Variants in CARMIL1 observed in about 807,000 individuals in gnomAD.
CARMIL1 encodes capping protein regulator and myosin 1 linker 1, also known as F-actin-uncapping protein LRRC16A.
In CARMIL1, 90 loss-of-function variants were observed where a neutral mutation model predicts 177.1. The ratio of observed to expected loss-of-function variants is 0.51; its 90% CI spans 0.43 to 0.61. The LOEUF is 0.61. Among genes scored for constraint, CARMIL1 ranks in the 20% least tolerant of loss-of-function variants. The pLI, the probability that CARMIL1 is intolerant of heterozygous loss-of-function variation, is 0.00. For missense variants in CARMIL1, 1,380 were observed against 1,667.0 expected (o/e 0.83, Z 3.00); for synonymous variants, 577 against 606.2 (o/e 0.95, Z 0.71).
In CARMIL1 at chr6:25,619,555, A is replaced by G; in HGVS notation, c.4088A>G (p.Glu1363Gly). 1 of 1,613,796 alleles carries G rather than the reference A, an allele frequency of 6.2e-7. No individual in the cohort carries two copies. The highest frequency in any genetic ancestry group is 8.5e-7 in the Non-Finnish European group (1 of 1,179,826). ...QGSKSNDSGE[E>G]AEKEFIFV ...AGCAAATCTAATGACTCCGGGGAAG[A>G]AGCAGAAAAAGAGTTTATTTTTGTG... The change falls in exon 37 of 37, where the codon GAA becomes GGA. Residue 1363 changes from glutamate (E) to glycine (G), a missense_variant. Physicochemically the swap from Glu to Gly is moderately conservative, Grantham distance 98. Coordinates refer to ENST00000329474, the MANE Select transcript of CARMIL1 (RefSeq NM_017640.6).
chr6:25,411,379 C>G (rs956239146), intron 2 of CARMIL1, among the ~76,000 whole-genome samples: 6 of 152,182 alleles, frequency 3.9e-5, no homozygotes, highest in South Asian at 4.1e-4. Context: ...TAAAGATGCC[C>G]ATTCATGTTA....
At position 25,528,868 on chromosome 6, in the gene CARMIL1, G is replaced by T; in HGVS notation, c.2042G>T (p.Gly681Val). The change falls in exon 24 of 37, where the codon GGT (glycine) becomes GTT (valine). Residue 681 changes from glycine (G) to valine (V), a missense_variant. Gly to Val is a moderately radical substitution (Grantham distance 109). Transcript: ENST00000329474. ...GAGCAGGCCTACCGCCTGCAGCAGGGTATTGTCACCAGCACCACCCAGCAG... is the reference window on the plus strand; with the variant it reads ...GAGCAGGCCTACCGCCTGCAGCAGGTTATTGTCACCAGCACCACCCAGCAG... ...LQEQAYRLQQGIVTSTTQQMI... is the reference protein window; with the variant it reads ...LQEQAYRLQQVIVTSTTQQMI... 5 of 1,609,520 alleles carry T rather than the reference G, an allele frequency of 3.1e-6. No individual in the cohort carries two copies. Among genetic ancestry groups the T allele is most frequent in the South Asian group, 2.2e-5 (2 of 89,972 alleles).
At chr6:25,592,328 A>G (rs3804119) in intron 31 of CARMIL1, among the ~76,000 whole-genome samples, 1 of 152,384 alleles carries the variant, frequency 6.6e-6, no homozygotes, top group East Asian at 1.9e-4. Flanking sequence ...TTAAGGGGCT[A>G]TTACTGCTAT....
chr6:25,529,755 CAAAAAAAAAAAAAAAAA>C (rs70977217), intron 24 of CARMIL1, among the ~76,000 whole-genome samples: 17 of 33,584 alleles, frequency 5.1e-4, no homozygotes, highest in Admixed American at 1.9e-3. Flanking sequence ...ACTCCGTCTC[CAAAAAAAAAAAAAAAAA>C]AAAAAAAAAA....
At chr6:25,350,032 C>T (rs577372664) in intron 2 of CARMIL1, among the ~76,000 whole-genome samples, 1 of 152,220 alleles carries the variant, frequency 6.6e-6, no homozygotes, top group East Asian at 1.9e-4. Flanking sequence ...CAGCCTCCAC[C>T]AGCCCCCTCA....
intron 2 of CARMIL1, among the ~76,000 whole-genome samples, chr6:25,348,149 T>C (rs9986608): frequency 0.12 from 17,484 of 151,658 alleles, 1,142 homozygotes; most frequent in African/African-American, 0.18. Context: ...ACTTCTTTTC[T>C]TTTTTTTTGA....
intron 31 of CARMIL1, among the ~76,000 whole-genome samples, chr6:25,582,010 T>C (rs911648921): frequency 1.1e-4 from 16 of 152,200 alleles, no homozygotes; most frequent in African/African-American, 3.9e-4. Context: ...AGTTTACCCA[T>C]GTGTCTCTCT....
intron 11 of CARMIL1, among the ~76,000 whole-genome samples, chr6:25,477,926 G>T (rs1315574056): frequency 1.4e-5 from 2 of 145,204 alleles, no homozygotes; most frequent in Middle Eastern, 3.8e-3. Flanking sequence ...TGTAATAATG[G>T]CTCACTGCAA....
At chr6:25,446,468 A>G (rs900156601) in intron 5 of CARMIL1, among the ~76,000 whole-genome samples, 1 of 152,188 alleles carries the variant, frequency 6.6e-6, no homozygotes, top group African/African-American at 2.4e-5. Flanking sequence ...GTAGCTTCCA[A>G]CTTCAGCTTC....
At chr6:25,590,339 A>G (rs1392898447) in intron 31 of CARMIL1, among the ~76,000 whole-genome samples, 1 of 152,102 alleles carries the variant, frequency 6.6e-6, no homozygotes, top group Non-Finnish European at 1.5e-5. Flanking sequence ...ATTTTTAGTC[A>G]TGAGTTTTTG....
At position 25,567,131 on chromosome 6, in the gene CARMIL1, A is replaced by G. The variant is rs532837358; in HGVS notation, c.2742+10281A>G. ...AGGAGTAGCTGCAGCTGAAAGCCCA[A>G]CTCCACATGATCTGACTCTCAAACA... On this transcript the variant is annotated intron_variant, in intron 29 of 36. Transcript: ENST00000329474. Among the ~76,000 whole-genome samples the G allele has an allele frequency of 1.1e-4, 16 of 152,158 alleles. No individual in the cohort carries two copies. The East Asian group carries it at 3.1e-3, about 29-fold the overall frequency.
intron 2 of CARMIL1, among the ~76,000 whole-genome samples, chr6:25,336,998 G>A (rs966764206): frequency 6.6e-6 from 1 of 152,054 alleles, no homozygotes; most frequent in Non-Finnish European, 1.5e-5. Context: ...AAAAGACAGC[G>A]TATCAATTGA....
At chr6:25,485,869 A>G (rs1802598712) in intron 12 of CARMIL1, among the ~76,000 whole-genome samples, 1 of 151,872 alleles carries the variant, frequency 6.6e-6, no homozygotes, top group Non-Finnish European at 1.5e-5. Flanking sequence ...CTGGAGTTAC[A>G]TTGCAGTGTT....
At chr6:25,615,993 A>G (rs1422552123) in intron 36 of CARMIL1, among the ~76,000 whole-genome samples, 1 of 152,222 alleles carries the variant, frequency 6.6e-6, no homozygotes, top group Non-Finnish European at 1.5e-5. Context: ...TATTGCCACT[A>G]TAGACAGGGT....
At chr6:25,537,442 TTC>T (rs1231001440) in intron 24 of CARMIL1, among the ~76,000 whole-genome samples, 5 of 152,328 alleles carry the variant, frequency 3.3e-5, no homozygotes, top group Admixed American at 1.3e-4. Flanking sequence ...CACATTTTAT[TTC>T]TCTGTTTCCT....
At chr6:25,465,835 A>G (rs996713808) in intron 8 of CARMIL1, 38 bp from the exon 9 acceptor site, 3 of 1,217,554 alleles carry the variant, frequency 2.5e-6, no homozygotes, top group Non-Finnish European at 3.7e-6. Flanking sequence ...TAGCTACTGT[A>G]GGAGCACTTT....
rs151043688 is a variant in CARMIL1 at position 25,600,293 on chromosome 6, G to C, written c.3120-21G>C. 1,000 of 1,586,806 alleles carry C rather than the reference G, an allele frequency of 6.3e-4. 3 individuals are homozygous for C. The African/African-American group carries it at 0.012, about 20-fold the overall frequency. ...TATTTACAGTAAAAACAACAGATCTGTGTCTTGGTTTGAAATGCAGGAAAT... is the reference window on the plus strand; with the variant it reads ...TATTTACAGTAAAAACAACAGATCTCTGTCTTGGTTTGAAATGCAGGAAAT... On this transcript the variant is annotated intron_variant, in intron 32 of 36. Transcript: ENST00000329474.
chr6:25,459,279 T>TCTTTCTTTCTTTCTTTCTTTCTTTC (rs1799926404), intron 8 of CARMIL1, among the ~76,000 whole-genome samples: 1 of 142,992 alleles, frequency 7.0e-6, no homozygotes, highest in African/African-American at 2.5e-5. Context: ...TTTTTTTTTT[T>TCTTTCTTTCTTTCTTTCTTTCTTTC]TAAGACAGGG....
chr6:25,501,013 C>T (rs1315396429), intron 17 of CARMIL1, among the ~76,000 whole-genome samples: 2 of 152,108 alleles, frequency 1.3e-5, no homozygotes, highest in African/African-American at 4.8e-5. Context: ...CCACCCGCCT[C>T]AGCCTCCCAA....
Sources: allele counts gnomAD v4.1 joint callset (sites outside exome capture counted in the v4.1 genomes callset), GRCh38; gene constraint gnomAD v4.1.1; transcripts MANE v1.5; gene names NCBI Gene and HGNC (gene_info 2026-07-23, HGNC 2026-07-21).